The following AFDN variants were observed in gnomAD, a reference collection of about 807,000 sequenced individuals.
AFDN encodes afadin.
A neutral mutation model predicts 216.6 loss-of-function variants in AFDN; 68 were observed. The observed-to-expected ratio is 0.31, with a 90% CI of 0.26 to 0.38. AFDN has a LOEUF of 0.38. Among genes scored for constraint, AFDN ranks in the 10% least tolerant of loss-of-function variants. The pLI, the probability that AFDN is intolerant of heterozygous loss-of-function variation, is 1.00. For synonymous variants in AFDN, 868 were observed against 853.7 expected, an observed-to-expected ratio of 1.02 and a Z score of -0.29; for missense variants, 2,136 against 2,342.0, an observed-to-expected ratio of 0.91 and a Z score of 1.82.
chr6:167,966,046 G>A lies in AFDN; in HGVS notation c.5257+1G>A, dbSNP rs1026414876. 3.9e-6 allele frequency: 6 copies of A among 1,543,388 alleles called. No individual in the cohort carries two copies. The highest frequency in any genetic ancestry group is 1.7e-4 in the Middle Eastern group (1 of 6,014). Reference sequence around the variant, plus strand: ...GAGGAGGAGGACTGCAGCCTAGCAGGTCAGGATAAGTACTCCAGCACAAGA... The same window carrying A: ...GAGGAGGAGGACTGCAGCCTAGCAGATCAGGATAAGTACTCCAGCACAAGA... On this transcript the variant is annotated splice_donor_variant, in intron 32 of 33. Transcript: ENST00000683244. LOFTEE classifies it high-confidence loss of function.
chr6:167,918,758 T>C lies in AFDN; in HGVS notation c.2733T>C (p.Thr911=). 5 of 1,614,218 alleles carry C rather than the reference T, an allele frequency of 3.1e-6. No individual in the cohort carries two copies. Among genetic ancestry groups the C allele is most frequent in the Non-Finnish European group, 4.2e-6 (5 of 1,180,040 alleles). ...IPTDLIENVV[T]VAENTADELA... is the part of the protein sequence containing the mutation. Reference sequence around the variant, plus strand: ...AGGATCTTATAGAAAATGTAGTGACTGTGGCTGAAAACACTGCCGATGAGC... The same window carrying C: ...AGGATCTTATAGAAAATGTAGTGACCGTGGCTGAAAACACTGCCGATGAGC... The change falls in exon 21 of 34, where the codon ACT becomes ACC. Residue 911 remains threonine, a synonymous_variant. Transcript: ENST00000683244.
intron 1 of AFDN, among the ~76,000 whole-genome samples, chr6:167,856,880 AG>A (rs1166537824): frequency 6.6e-6 from 1 of 152,132 alleles, no homozygotes. Context: ...GTGCATAAAA[AG>A]GACTATTTTT....
intron 1 of AFDN, among the ~76,000 whole-genome samples, chr6:167,849,882 G>A (rs1022023952): frequency 2.0e-5 from 3 of 152,136 alleles, no homozygotes; most frequent in African/African-American, 7.2e-5. Flanking sequence ...GAGGTTCTAG[G>A]TTCCTTTTGT....
At chr6:167,865,352 G>T (rs574542847) in intron 2 of AFDN, among the ~76,000 whole-genome samples, 2 of 152,192 alleles carry the variant, frequency 1.3e-5, no homozygotes, top group South Asian at 2.1e-4. Flanking sequence ...GGAAATTTAG[G>T]TAAGTGCCAT....
At chr6:167,954,398 C>T in intron 30 of AFDN, 6 of 1,474,538 alleles carry the variant, frequency 4.1e-6, no homozygotes, top group Non-Finnish European at 5.5e-6. Context: ...CAGGTCTAAA[C>T]CTAACTTTTT....
At chr6:167,840,616 T>C (rs1456319057) in intron 1 of AFDN, among the ~76,000 whole-genome samples, 4 of 152,222 alleles carry the variant, frequency 2.6e-5, no homozygotes, top group African/African-American at 9.6e-5. Context: ...TGTAAGCTGC[T>C]AAGATCTTGG....
chr6:167,953,906 T>C (rs966811116), intron 30 of AFDN, among the ~76,000 whole-genome samples: 1 of 152,226 alleles, frequency 6.6e-6, no homozygotes, highest in Admixed American at 6.5e-5. Context: ...AATATACAAC[T>C]GTTGTGTATG....
chr6:167,862,651 A>G (rs753106362), intron 1 of AFDN, among the ~76,000 whole-genome samples: 2 of 152,266 alleles, frequency 1.3e-5, no homozygotes, highest in African/African-American at 2.4e-5. Context: ...CTGGGATTAC[A>G]GGCATGGGCC....
chr6:167,871,386 G>A (rs1306246637), intron 3 of AFDN, among the ~76,000 whole-genome samples: 1 of 152,062 alleles, frequency 6.6e-6, no homozygotes, highest in East Asian at 1.9e-4. Context: ...TGTATATTTT[G>A]CTATGGACCA....
chr6:167,834,537 C>T (rs1323820708), intron 1 of AFDN, among the ~76,000 whole-genome samples: 4 of 134,904 alleles, frequency 3.0e-5, no homozygotes, highest in African/African-American at 5.6e-5. Flanking sequence ...TAACAAGTCA[C>T]GGTGCATCAC....
At chr6:167,886,051 A>G (rs1472383044) in intron 6 of AFDN, among the ~76,000 whole-genome samples, 1 of 152,222 alleles carries the variant, frequency 6.6e-6, no homozygotes, top group African/African-American at 2.4e-5. Flanking sequence ...GCATAAAGAT[A>G]ATTATTGAAA....
chr6:167,888,686 G>A (rs1208088485), intron 6 of AFDN, among the ~76,000 whole-genome samples: 1 of 152,184 alleles, frequency 6.6e-6, no homozygotes, highest in Non-Finnish European at 1.5e-5. Context: ...TTTGTTGAAT[G>A]AATGACTTGC....
chr6:167,937,141 G>C (rs989346270), intron 23 of AFDN, among the ~76,000 whole-genome samples: 4 of 152,184 alleles, frequency 2.6e-5, no homozygotes, highest in African/African-American at 9.7e-5. Context: ...AGTGGACAGG[G>C]AATGTGTCCA....
intron 31 of AFDN, chr6:167,964,612 CTCTGTGTG>C (rs1414898837): frequency 9.9e-7 from 1 of 1,005,528 alleles, no homozygotes; most frequent in Non-Finnish European, 1.2e-6. Flanking sequence ...TGCGTATTCA[CTCTGTGTG>C]TGTGTGTGTG....
Position 167,951,513 on chromosome 6 carries a change from G to C in AFDN, c.4159G>C (p.Asp1387His). The C allele has an allele frequency of 6.2e-7, 1 of 1,613,906 alleles. No homozygotes were observed. The highest frequency in any genetic ancestry group is 1.1e-5 in the South Asian group (1 of 91,018). Residue 1387 changes from aspartate to histidine, a missense_variant, in exon 30 of 34, where the codon GAT becomes CAT. Physicochemically the swap from Asp to His is moderately conservative, Grantham distance 81. Transcript: ENST00000683244. This position sits in a 1 kb window ranked among gnomAD's most constrained non-coding sequence, Gnocchi z 7.1. ...TCCAGTCCACTATGCCGGTGATTTC[G>C]ATGGAATGTCCATGGATTTGCCTCT... Reference protein sequence around the residue: ...PPPVHYAGDFDGMSMDLPLPP... With the variant: ...PPPVHYAGDFHGMSMDLPLPP...
At chr6:167,891,555 A>G (rs1201382929) in intron 8 of AFDN, among the ~76,000 whole-genome samples, 1 of 152,110 alleles carries the variant, frequency 6.6e-6, no homozygotes, top group East Asian at 1.9e-4. Flanking sequence ...TTTTAAAGTA[A>G]CAGACTACAT....
At position 167,880,470 on chromosome 6, in the gene AFDN, A is replaced by G; in HGVS notation, c.850A>G (p.Lys284Glu). The G allele has an allele frequency of 6.2e-7, 1 of 1,613,870 alleles. No homozygotes were observed. Among genetic ancestry groups the G allele is most frequent in the Non-Finnish European group, 8.5e-7 (1 of 1,179,832 alleles). Residue 284 changes from lysine to glutamate, a missense_variant, in exon 6 of 34, where the codon AAG becomes GAG. Physicochemically the swap from Lys to Glu is moderately conservative, Grantham distance 56. Transcript: ENST00000683244. Reference protein sequence around the residue: ...ADFAVAEALEKYGLEKENPKD... With the variant: ...ADFAVAEALEEYGLEKENPKD... ...CTTTGCTGTGGCTGAAGCTTTAGAGAAGTATGGTCTGGAAAAAGAAAACCC... is the reference window on the plus strand; with the variant it reads ...CTTTGCTGTGGCTGAAGCTTTAGAGGAGTATGGTCTGGAAAAAGAAAACCC...
At chr6:167,881,409 T>C (rs1433684429) in intron 6 of AFDN, among the ~76,000 whole-genome samples, 2 of 152,112 alleles carry the variant, frequency 1.3e-5, no homozygotes, top group African/African-American at 2.4e-5. Context: ...ACAAAGAGAA[T>C]GAGAGATGAG....
intron 2 of AFDN, chr6:167,864,985 C>A: frequency 1.6e-6 from 1 of 640,980 alleles, no homozygotes; most frequent in Middle Eastern, 2.7e-4. Flanking sequence ...TTTGCATATG[C>A]TTATTTCTCC....
Sources: allele counts gnomAD v4.1 joint callset (sites outside exome capture counted in the v4.1 genomes callset), GRCh38; gene constraint gnomAD v4.1.1; non-coding constraint Gnocchi (gnomAD v3.1); transcripts MANE v1.5; gene names NCBI Gene and HGNC (gene_info 2026-07-23, HGNC 2026-07-21).